FBXW7: variants seen among roughly 807,000 people sequenced by gnomAD.
The protein encoded by FBXW7 is F-box/WD repeat-containing protein 7.
A neutral mutation model predicts 86.3 loss-of-function variants in FBXW7; 11 were observed. The observed-to-expected ratio is 0.13, with a 90% CI of 0.08 to 0.21. The LOEUF is 0.21. Among genes scored for constraint, FBXW7 ranks in the 10% least tolerant of loss-of-function variants. FBXW7 has a pLI of 1.00. For synonymous variants in FBXW7, 313 were observed against 297.9 expected, an observed-to-expected ratio of 1.05 and a Z score of -0.52; for missense variants, 488 against 847.4, an observed-to-expected ratio of 0.58 and a Z score of 5.27.
At chr4:152,504,371 A>G (rs1248795176) in intron 2 of FBXW7, among the ~76,000 whole-genome samples, 1 of 152,196 alleles carries the variant, frequency 6.6e-6, no homozygotes, top group African/African-American at 2.4e-5. Context: ...TGTTTTGCAA[A>G]GTGGCTGCAA....
chr4:152,423,983 G>A (rs1322935234), intron 2 of FBXW7, among the ~76,000 whole-genome samples: 1 of 152,060 alleles, frequency 6.6e-6, no homozygotes, highest in African/African-American at 2.4e-5. Flanking sequence ...CCAGATTTGA[G>A]GGGGGAAAAC....
At chr4:152,432,442 T>TA (rs1399719875) in intron 2 of FBXW7, among the ~76,000 whole-genome samples, 1 of 152,198 alleles carries the variant, frequency 6.6e-6, no homozygotes, top group African/African-American at 2.4e-5. Context: ...AGGTACTTTT[T>TA]ATATAAAGTA....
intron 4 of FBXW7, among the ~76,000 whole-genome samples, chr4:152,387,682 C>G (rs1207901934): frequency 1.4e-5 from 2 of 140,032 alleles, no homozygotes; most frequent in African/African-American, 5.3e-5. Flanking sequence ...TTAGATTGGG[C>G]ATCAAAGAAA....
At position 152,345,727 on chromosome 4, in the gene FBXW7, T is replaced by C. The variant is rs375279542; in HGVS notation, c.726+1203A>G. On this transcript the variant is annotated intron_variant, in intron 6 of 13. Coordinates refer to ENST00000281708, the MANE Select transcript of FBXW7 (RefSeq NM_001349798.2). ...GGTAGAAAACAATTTTAAAAAACCA[T>C]TTAAAAGCAATACTGCTCCAAGTTA... Among the ~76,000 whole-genome samples the C allele has an allele frequency of 1.1e-3, 162 of 152,274 alleles. 1 individual carries two copies. Among genetic ancestry groups the C allele is most frequent in the African/African-American group, 3.7e-3 (155 of 41,560 alleles).
intron 2 of FBXW7, among the ~76,000 whole-genome samples, chr4:152,460,634 A>G (rs187765627): frequency 6.6e-6 from 1 of 152,204 alleles, no homozygotes; most frequent in Non-Finnish European, 1.5e-5. Flanking sequence ...TACCATATCC[A>G]TGGCTAGAGG....
In FBXW7 at chr4:152,434,431, T is replaced by TC. The variant is rs751533279; in HGVS notation, c.-119-21903dup. The stretch of plus-strand genomic sequence containing the variant: ...GCAAGCATGTTCACTTTTCTAGCCT[T>TC]CTACTTCTTATAATGTATATAAAAA... On this transcript the variant is annotated intron_variant, in intron 2 of 13. Coordinates refer to ENST00000281708, the MANE Select transcript of FBXW7 (RefSeq NM_001349798.2). Among the ~76,000 whole-genome samples, 9 of 152,248 alleles carry TC rather than the reference T, an allele frequency of 5.9e-5. No individual in the cohort carries two copies. The East Asian group carries it at 7.7e-4, about 13-fold the overall frequency.
chr4:152,386,608 T>A (rs1735547131), intron 4 of FBXW7, among the ~76,000 whole-genome samples: 4 of 152,088 alleles, frequency 2.6e-5, no homozygotes, highest in Admixed American at 2.6e-4. Flanking sequence ...TTTGTAAGTT[T>A]CAGAAAGACT....
Position 152,512,978 on chromosome 4 carries a change from C to T in FBXW7, c.-120+21963G>A, listed in dbSNP as rs556618157. 5.5e-4 allele frequency among the ~76,000 whole-genome samples: 83 copies of T among 152,284 alleles called. 1 individual carries two copies. In the South Asian group the frequency reaches 0.016, roughly 29 times the overall value. Reference sequence around the variant, plus strand: ...CCAGGTTCCAGCGATTCTCCTGCCTCGGCCTCCCAAATAGCTGGGACTACA... The same window carrying T: ...CCAGGTTCCAGCGATTCTCCTGCCTTGGCCTCCCAAATAGCTGGGACTACA... On this transcript the variant is annotated intron_variant, in intron 2 of 13. Coordinates refer to ENST00000281708, the MANE Select transcript of FBXW7 (RefSeq NM_001349798.2).
intron 2 of FBXW7, among the ~76,000 whole-genome samples, chr4:152,491,830 A>G (rs1745887264): frequency 6.6e-6 from 1 of 152,150 alleles, no homozygotes; most frequent in South Asian, 2.1e-4. Flanking sequence ...TTCTTCTTTC[A>G]TCTACACCTC....
At chr4:152,420,406 A>G (rs1324170796) in intron 2 of FBXW7, among the ~76,000 whole-genome samples, 4 of 151,972 alleles carry the variant, frequency 2.6e-5, no homozygotes, top group Non-Finnish European at 5.9e-5. Context: ...TTTCTTCCCA[A>G]CTCTTATTAA....
chr4:152,358,468 T>C (rs1732611411), intron 4 of FBXW7, among the ~76,000 whole-genome samples: 1 of 150,870 alleles, frequency 6.6e-6, no homozygotes, highest in South Asian at 2.1e-4. Flanking sequence ...CCTAAATTAG[T>C]GATTAGTCAT....
At chr4:152,381,309 CAATTAT>C (rs1735051370) in intron 4 of FBXW7, among the ~76,000 whole-genome samples, 1 of 152,018 alleles carries the variant, frequency 6.6e-6, no homozygotes. Flanking sequence ...AAGTACAATA[CAATTAT>C]GTGTCAATTA....
chr4:152,321,213 A>G lies in FBXW7; in HGVS notation c.*1668T>C, dbSNP rs181021122. The G allele has an allele frequency of 2.8e-4, 62 of 224,058 alleles. No homozygotes were observed. In the East Asian group the frequency reaches 3.7e-3, roughly 13 times the overall value. 13.9% of individuals were successfully genotyped at this position (224,058 alleles called of 1,614,324 possible). A position where few individuals can be genotyped will look rare whatever the true frequency, so the allele number is the denominator to read the frequency against. On this transcript the variant is annotated 3_prime_UTR_variant, in exon 14 of 14. Transcript: ENST00000281708. ...TAAATATTATAGACAAATCCTAAAT[A>G]CTTATAATGAAGGATTATTACTTCA...
intron 6 of FBXW7, chr4:152,338,238 C>CAAAGAGA: frequency 5.1e-6 from 1 of 195,754 alleles, no homozygotes; most frequent in Non-Finnish European, 1.0e-5. Flanking sequence ...ACTGAGAAGC[C>CAAAGAGA]AAAATTTTAT....
intron 2 of FBXW7, among the ~76,000 whole-genome samples, chr4:152,521,427 T>C (rs1452148771): frequency 6.6e-6 from 1 of 152,040 alleles, no homozygotes; most frequent in Non-Finnish European, 1.5e-5. Context: ...TACACACACA[T>C]ACAAATAGAC....
chr4:152,340,117 T>C (rs1271070658), intron 6 of FBXW7, among the ~76,000 whole-genome samples: 1 of 152,136 alleles, frequency 6.6e-6, no homozygotes, highest in Non-Finnish European at 1.5e-5. Flanking sequence ...AAAAAAATTA[T>C]GCCTGTATAA....
chr4:152,490,724 C>T (rs974939353), intron 2 of FBXW7, among the ~76,000 whole-genome samples: 7 of 152,010 alleles, frequency 4.6e-5, no homozygotes, highest in African/African-American at 1.7e-4. Flanking sequence ...AATCCTGCAC[C>T]TACAATACCA....
chr4:152,351,841 A>G (rs982396576), intron 4 of FBXW7, among the ~76,000 whole-genome samples: 1 of 152,144 alleles, frequency 6.6e-6, no homozygotes, highest in African/African-American at 2.4e-5. Flanking sequence ...TCCATCTTAG[A>G]AATCCTTCAA....
chr4:152,510,627 T>C (rs556950955), intron 2 of FBXW7, among the ~76,000 whole-genome samples: 144 of 152,174 alleles, frequency 9.5e-4, no homozygotes, highest in African/African-American at 3.3e-3. Context: ...TTTTCATAAC[T>C]AAAAACATAT....
Sources: gnomAD v4.1 joint callset for allele counts (sites outside exome capture counted in the v4.1 genomes callset) on GRCh38, gnomAD v4.1.1 for gene constraint, MANE v1.5 for transcripts, NCBI Gene and HGNC (gene_info 2026-07-23, HGNC 2026-07-21) for gene names.